Variants in RBMS3 observed in about 807,000 individuals in gnomAD.
RBMS3 encodes the protein RNA binding motif single stranded interacting protein 3, also known as RNA-binding motif, single-stranded-interacting protein 3.
A neutral mutation model predicts 66.8 loss-of-function variants in RBMS3; 27 were observed. That is an observed-to-expected ratio of 0.40 (90% confidence interval 0.30 to 0.56). The LOEUF is 0.56. RBMS3 is among the 20% of genes least tolerant of loss of function. RBMS3 has a pLI of 0.40. For missense variants in RBMS3, 513 were observed against 549.5 expected (o/e 0.93, Z 0.66); for synonymous variants, 188 against 183.0 (o/e 1.03, Z -0.22).
rs71769481 is a variant in RBMS3 at position 29,556,602 on chromosome 3, CA to C, written c.308-30502del. Reference sequence around the variant, plus strand: ...TGGACGACAGAGCAGGACTCCGTCTCAAAAAAAAAAGAAAAAGAAAATGAAT... The same window carrying C: ...TGGACGACAGAGCAGGACTCCGTCTCAAAAAAAAAGAAAAAGAAAATGAAT... On this transcript the variant is annotated intron_variant, in intron 3 of 14. Coordinates refer to ENST00000383767, the MANE Select transcript of RBMS3 (RefSeq NM_001003793.3). Among the ~76,000 whole-genome samples the C allele has an allele frequency of 2.2e-3, 325 of 149,160 alleles. 1 individual carries two copies. Among genetic ancestry groups the C allele is most frequent in the African/African-American group, 7.7e-3 (314 of 40,766 alleles).
intron 4 of RBMS3, among the ~76,000 whole-genome samples, chr3:29,618,724 G>A (rs929833229): frequency 2.6e-5 from 4 of 152,026 alleles, no homozygotes; most frequent in African/African-American, 9.7e-5. Context: ...TGGCTTCCAG[G>A]GGCGTCTATG....
chr3:29,481,702 G>A (rs2043134951), intron 2 of RBMS3, among the ~76,000 whole-genome samples: 1 of 152,140 alleles, frequency 6.6e-6, no homozygotes, highest in Non-Finnish European at 1.5e-5. Flanking sequence ...AATTGACTTG[G>A]AGTACAAATT....
At chr3:29,298,051 C>A (rs2033402940) in intron 1 of RBMS3, among the ~76,000 whole-genome samples, 2 of 151,858 alleles carry the variant, frequency 1.3e-5, no homozygotes, top group Admixed American at 1.3e-4. Flanking sequence ...TTTTGTTAAT[C>A]TTCCTCCAAT....
chr3:29,848,333 G>A (rs2058841935), intron 6 of RBMS3, among the ~76,000 whole-genome samples: 1 of 152,084 alleles, frequency 6.6e-6, no homozygotes, highest in South Asian at 2.1e-4. Flanking sequence ...TAGCGGCCAC[G>A]TGCTCCCTTA....
intron 3 of RBMS3, among the ~76,000 whole-genome samples, chr3:29,574,828 AACACACACACACAC>A (rs201818764): frequency 8.2e-5 from 12 of 146,952 alleles, no homozygotes; most frequent in South Asian, 4.3e-4. Context: ...TGCATAAGAA[AACACACACACACAC>A]ACACACACAC....
intron 4 of RBMS3, among the ~76,000 whole-genome samples, chr3:29,597,861 C>T (rs1325393817): frequency 6.6e-6 from 1 of 151,954 alleles, no homozygotes; most frequent in Admixed American, 6.6e-5. Context: ...TACTTTTAGC[C>T]TAAGGATCCA....
chr3:29,886,100 C>T (rs1367834742), intron 8 of RBMS3, among the ~76,000 whole-genome samples: 2 of 151,526 alleles, frequency 1.3e-5, no homozygotes, highest in East Asian at 1.9e-4. Context: ...CTTACATCTT[C>T]GAAAATAAAG....
chr3:29,876,758 G>A (rs546872717), intron 7 of RBMS3, among the ~76,000 whole-genome samples: 32 of 152,076 alleles, frequency 2.1e-4, no homozygotes, highest in Middle Eastern at 3.4e-3. Context: ...CCACCCCTGC[G>A]AAGGCCCAGG....
chr3:29,347,692 T>C (rs1244817153), intron 1 of RBMS3, among the ~76,000 whole-genome samples: 1 of 152,178 alleles, frequency 6.6e-6, no homozygotes, highest in Non-Finnish European at 1.5e-5. Context: ...TGGATGGAAT[T>C]ACAATTCAAG....
intron 6 of RBMS3, among the ~76,000 whole-genome samples, chr3:29,800,660 A>G (rs138965497): frequency 5.3e-5 from 8 of 152,234 alleles, no homozygotes; most frequent in African/African-American, 9.6e-5. Flanking sequence ...ACTCTGTGGT[A>G]TTTTTCTTTC....
At chr3:29,928,129 C>A (rs2060989695) in intron 10 of RBMS3, among the ~76,000 whole-genome samples, 2 of 147,250 alleles carry the variant, frequency 1.4e-5, no homozygotes, top group South Asian at 4.3e-4. Flanking sequence ...TCCCTTATAA[C>A]CCCACTTAGA....
At position 29,482,701 on chromosome 3, in the gene RBMS3, C is replaced by CTTTCTT. The variant is rs759435190; in HGVS notation, c.249-5737_249-5736insCTTTTT. 1.4e-4 allele frequency among the ~76,000 whole-genome samples: 11 copies of CTTTCTT among 77,506 alleles called. No individual in the cohort carries two copies. In the East Asian group the frequency reaches 4.6e-3, roughly 33 times the overall value. The allele number at this position is 77,506 out of a possible 152,430, so 50.8% of individuals were successfully genotyped here. A position where few individuals can be genotyped will look rare whatever the true frequency, so the allele number is the denominator to read the frequency against. ...AGTCTACCATTTTCTTTCTTTCTTT[C>CTTTCTT]TTTTTTTTTTTTTTTTTTTTTTTTG... On this transcript the variant is annotated intron_variant, in intron 2 of 14. Coordinates refer to ENST00000383767, the MANE Select transcript of RBMS3 (RefSeq NM_001003793.3).
chr3:29,707,766 C>T (rs2052974205), intron 4 of RBMS3, among the ~76,000 whole-genome samples: 1 of 152,136 alleles, frequency 6.6e-6, no homozygotes, highest in South Asian at 2.1e-4. Flanking sequence ...GCGTTTCTTG[C>T]CAAACGAGGG....
intron 3 of RBMS3, among the ~76,000 whole-genome samples, chr3:29,550,058 G>C (rs1345269905): frequency 1.3e-5 from 2 of 152,174 alleles, no homozygotes; most frequent in African/African-American, 4.8e-5. Context: ...TTGCTCCAAA[G>C]TAAAATGGAA....
rs1559359110 is a variant in RBMS3 at position 29,435,129 on chromosome 3, AT to A, written c.248+215del. ...TTGTTGAGTGGAAGTTCTTGAGCAC[AT>A]ATACATGGAAATGCTGGCTGATTCA... is the stretch of plus-strand genomic sequence containing the variant. On this transcript the variant is annotated intron_variant, in intron 2 of 14. Coordinates refer to ENST00000383767, the MANE Select transcript of RBMS3 (RefSeq NM_001003793.3). 3 of 530,504 alleles carry A rather than the reference AT, an allele frequency of 5.7e-6. No homozygotes were observed. The African/African-American group carries it at 5.8e-5, about 10-fold the overall frequency. 32.9% of individuals were successfully genotyped at this position (530,504 alleles called of 1,614,324 possible).
At chr3:29,425,208 A>C (rs867021159) in intron 1 of RBMS3, among the ~76,000 whole-genome samples, 9 of 93,928 alleles carry the variant, frequency 9.6e-5, no homozygotes, top group African/African-American at 3.9e-4. Context: ...AAAACCCCCC[A>C]AAAAAAACAA....
At chr3:29,480,432 AG>A (rs1403024734) in intron 2 of RBMS3, among the ~76,000 whole-genome samples, 1 of 152,176 alleles carries the variant, frequency 6.6e-6, no homozygotes, top group African/African-American at 2.4e-5. Flanking sequence ...ATGGAAGAGA[AG>A]GGGTAAGTGA....
intron 2 of RBMS3, among the ~76,000 whole-genome samples, chr3:29,478,816 A>G (rs1269824446): frequency 6.6e-6 from 1 of 152,238 alleles, no homozygotes; most frequent in Non-Finnish European, 1.5e-5. Context: ...AATGTGCTAC[A>G]TATTGTGAAG....
rs575092446 is a variant in RBMS3 at position 30,008,557 on chromosome 3, A to T, written c.*4695A>T. 4 of 152,232 alleles carry T rather than the reference A, an allele frequency of 2.6e-5. No individual in the cohort carries two copies. Among genetic ancestry groups the T allele is most frequent in the African/African-American group, 9.6e-5 (4 of 41,568 alleles). 9.4% of individuals were successfully genotyped at this position (152,232 alleles called of 1,614,324 possible). The stretch of plus-strand genomic sequence containing the variant: ...TGTCTTTCATGTTATTGTAGCTGGC[A>T]TGCTTCAAAATTTTGAGCTTACTGG... On this transcript the variant is annotated 3_prime_UTR_variant, in exon 15 of 15. Transcript: ENST00000383767.
Sources: gnomAD v4.1 joint callset for allele counts (sites outside exome capture counted in the v4.1 genomes callset) on GRCh38, gnomAD v4.1.1 for gene constraint, MANE v1.5 for transcripts, NCBI Gene and HGNC (gene_info 2026-07-23, HGNC 2026-07-21) for gene names.